Variants in ULK4 observed in about 807,000 individuals in gnomAD.
ULK4 encodes inactive serine/threonine-protein kinase ULK4.
Under a neutral mutation model 160.6 loss-of-function variants are expected in ULK4, and 133 were observed. The ratio of observed to expected loss-of-function variants is 0.83; its 90% CI spans 0.72 to 0.96. The LOEUF (loss-of-function observed/expected upper bound fraction) is 0.96. Ranked by LOEUF, ULK4 falls within the 40% of genes least tolerant of loss-of-function variation. The pLI is 0.00. For synonymous variants in ULK4, 534 were observed against 539.8 expected, an observed-to-expected ratio of 0.99 and a Z score of 0.15; for missense variants, 1,580 against 1,499.5, an observed-to-expected ratio of 1.05 and a Z score of -0.89.
intron 35 of ULK4, among the ~76,000 whole-genome samples, chr3:41,303,345 A>G (rs979335655): frequency 2.0e-5 from 3 of 152,228 alleles, no homozygotes; most frequent in Non-Finnish European, 4.4e-5. Context: ...TTAACAATTT[A>G]GCATTTCTAG....
chr3:41,520,934 G>A (rs1327585988), intron 32 of ULK4, among the ~76,000 whole-genome samples: 1 of 152,152 alleles, frequency 6.6e-6, no homozygotes, highest in Admixed American at 6.6e-5. Flanking sequence ...TGAGTTGTAG[G>A]AGTTCTTTAT....
chr3:41,570,825 G>T (rs1297777535), intron 31 of ULK4, among the ~76,000 whole-genome samples: 1 of 152,056 alleles, frequency 6.6e-6, no homozygotes, highest in Non-Finnish European at 1.5e-5. Context: ...CAGGTCCCGG[G>T]ACCCCCTGCC....
At chr3:41,614,990 C>T (rs1191386532) in intron 31 of ULK4, among the ~76,000 whole-genome samples, 1 of 152,092 alleles carries the variant, frequency 6.6e-6, no homozygotes, top group Non-Finnish European at 1.5e-5. Context: ...CACAAGAGAA[C>T]CTTTCTTTGG....
At chr3:41,954,114 T>C (rs1576013984) in intron 2 of ULK4, among the ~76,000 whole-genome samples, 2 of 144,074 alleles carry the variant, frequency 1.4e-5, no homozygotes, top group Admixed American at 1.5e-4. Flanking sequence ...GGAGGCACAG[T>C]GCAGTGAAGC....
intron 21 of ULK4, among the ~76,000 whole-genome samples, chr3:41,758,337 T>A (rs1342808618): frequency 6.6e-6 from 1 of 151,886 alleles, no homozygotes; most frequent in Non-Finnish European, 1.5e-5. Flanking sequence ...CAAAGCAAAA[T>A]TGAGGGAGAG....
At chr3:41,747,926 G>A (rs963002111) in intron 22 of ULK4, among the ~76,000 whole-genome samples, 1 of 152,090 alleles carries the variant, frequency 6.6e-6, no homozygotes, top group Non-Finnish European at 1.5e-5. Context: ...TGTTATGACA[G>A]CCTGAGCAAA....
intron 22 of ULK4, among the ~76,000 whole-genome samples, chr3:41,730,937 G>T (rs1030528217): frequency 6.6e-6 from 1 of 152,024 alleles, no homozygotes; most frequent in African/African-American, 2.4e-5. Context: ...AAAACCATAT[G>T]ATTTCAATAC....
chr3:41,743,032 A>G (rs1164906767), intron 22 of ULK4, among the ~76,000 whole-genome samples: 2 of 151,968 alleles, frequency 1.3e-5, no homozygotes, highest in Non-Finnish European at 2.9e-5. Flanking sequence ...GGGAAGAGAG[A>G]GAAAATGGGA....
rs575566291 is a variant in ULK4 at position 41,455,640 on chromosome 3, T to C, written c.3394-45A>G. 62 of 1,593,850 alleles carry C rather than the reference T, an allele frequency of 3.9e-5. No individual in the cohort carries two copies. The South Asian group carries it at 6.3e-4, about 16-fold the overall frequency. On this transcript the variant is annotated intron_variant, in intron 33 of 36. Transcript: ENST00000301831. ...AATGAAAGACGGTCTTGGTGATTAG[T>C]CAGCTTGGCCAAAGGAAACAGGACC...
chr3:41,623,288 A>G (rs1166390015), intron 30 of ULK4, among the ~76,000 whole-genome samples: 2 of 152,174 alleles, frequency 1.3e-5, no homozygotes, highest in Non-Finnish European at 2.9e-5. Context: ...AGAAAAGCCT[A>G]TGAGACTAAC....
chr3:41,924,507 C>G (rs1699310233), intron 5 of ULK4, among the ~76,000 whole-genome samples: 1 of 152,160 alleles, frequency 6.6e-6, no homozygotes, highest in African/African-American at 2.4e-5. Flanking sequence ...GAATGTCTGA[C>G]CTATTTTTCC....
rs939152601 is a variant in ULK4 at position 41,696,306 on chromosome 3, A to C, written c.2781+8751T>G. Among the ~76,000 whole-genome samples the C allele has an allele frequency of 2.0e-5, 3 of 152,216 alleles. No homozygotes were observed. The East Asian group carries it at 5.8e-4, about 29-fold the overall frequency. ...CTCTGCCTTTTAGATAACAGTAGCA[A>C]AATTAGTGAAAGTACTAAAAGTTTC... On this transcript the variant is annotated intron_variant, in intron 27 of 36. Coordinates refer to ENST00000301831, the MANE Select transcript of ULK4 (RefSeq NM_017886.4).
At chr3:41,800,865 G>C (rs2040437339) in intron 19 of ULK4, among the ~76,000 whole-genome samples, 1 of 152,126 alleles carries the variant, frequency 6.6e-6, no homozygotes, top group Non-Finnish European at 1.5e-5. Flanking sequence ...GCCTCAAAAA[G>C]ATTCAACTGT....
rs183938082 is a variant in ULK4, at chr3:41,446,842, C to T, written c.3492+8655G>A. ...TGTATATATATGTAACAAACCTGTA[C>T]GTTGTGCACATGTACCATAAAACTT... is the stretch of plus-strand genomic sequence containing the variant. On this transcript the variant is annotated intron_variant, in intron 34 of 36. Coordinates refer to ENST00000301831, the MANE Select transcript of ULK4 (RefSeq NM_017886.4). Among the ~76,000 whole-genome samples, 623 of 151,028 alleles carry T rather than the reference C, an allele frequency of 4.1e-3. 3 individuals carry two copies. The highest frequency in any genetic ancestry group is 7.2e-3 in the Non-Finnish European group (490 of 67,780).
intron 35 of ULK4, among the ~76,000 whole-genome samples, chr3:41,393,341 TA>T (rs2081994034): frequency 6.6e-6 from 1 of 152,198 alleles, no homozygotes; most frequent in South Asian, 2.1e-4. Context: ...CAACAATGTC[TA>T]AACTCTAAAT....
rs559688846 is a variant in ULK4 at position 41,726,486 on chromosome 3, C to T, written c.2322-8625G>A. ...TAGTGTCCCACAAATACTTCACAAGCGTTCTACGAAAAGCAGCAAATGATA... is the reference window on the plus strand; with the variant it reads ...TAGTGTCCCACAAATACTTCACAAGTGTTCTACGAAAAGCAGCAAATGATA... On this transcript the variant is annotated intron_variant, in intron 22 of 36. Coordinates refer to ENST00000301831, the MANE Select transcript of ULK4 (RefSeq NM_017886.4). Among the ~76,000 whole-genome samples the T allele has an allele frequency of 4.6e-5, 7 of 152,284 alleles. No individual in the cohort carries two copies. The East Asian group carries it at 9.6e-4, about 21-fold the overall frequency.
rs922945386 is a variant in ULK4, at chr3:41,884,031, A to T, written c.1578-79T>A. The T allele has an allele frequency of 4.2e-5, 41 of 977,346 alleles. No individual in the cohort carries two copies. In the African/African-American group the frequency reaches 5.2e-4, roughly 12 times the overall value. The allele number at this position is 977,346 out of a possible 1,614,324, so 60.5% of individuals were successfully genotyped here. A position where few individuals can be genotyped will look rare whatever the true frequency, so the allele number is the denominator to read the frequency against. Reference sequence around the variant, plus strand: ...CTAATCCCAGCTAGTTACATTATGCAATGATGAGCATTAGATATAAGACTG... The same window carrying T: ...CTAATCCCAGCTAGTTACATTATGCTATGATGAGCATTAGATATAAGACTG... On this transcript the variant is annotated intron_variant, in intron 16 of 36. Coordinates refer to ENST00000301831, the MANE Select transcript of ULK4 (RefSeq NM_017886.4).
intron 21 of ULK4, among the ~76,000 whole-genome samples, chr3:41,780,562 T>G (rs9857175): frequency 0.3 from 45,821 of 151,766 alleles, 9,784 homozygotes; most frequent in African/African-American, 0.61. Flanking sequence ...CTTCTCCTGC[T>G]GGAGTCCTTG....
intron 35 of ULK4, among the ~76,000 whole-genome samples, chr3:41,374,398 G>A (rs1277752597): frequency 6.6e-6 from 1 of 152,100 alleles, no homozygotes; most frequent in South Asian, 2.1e-4. Flanking sequence ...ACAAAATGCT[G>A]GCAAATGGAA....
Sources: gnomAD v4.1 joint callset for allele counts (sites outside exome capture counted in the v4.1 genomes callset) on GRCh38, gnomAD v4.1.1 for gene constraint, MANE v1.5 for transcripts, NCBI Gene and HGNC (gene_info 2026-07-23, HGNC 2026-07-21) for gene names.